Variants in DLG2 observed in about 807,000 individuals in gnomAD.
The protein encoded by DLG2 is disks large homolog 2.
In DLG2, 45 loss-of-function variants were observed where a neutral mutation model predicts 132.5. The ratio of observed to expected loss-of-function variants is 0.34; its 90% confidence interval spans 0.27 to 0.44. The LOEUF (loss-of-function observed/expected upper bound fraction) is 0.44, where lower values mean the gene tolerates loss of function less well. Ranked by LOEUF, DLG2 falls within the 20% of genes least tolerant of loss-of-function variation. The pLI is 1.00. For synonymous variants in DLG2, 424 were observed against 419.6 expected (o/e 1.01, Z -0.13); for missense variants, 1,045 against 1,196.9 (o/e 0.87, Z 1.87).
intron 7 of DLG2, among the ~76,000 whole-genome samples, chr11:84,327,198 C>T (rs2098437001): frequency 6.8e-6 from 1 of 146,130 alleles, no homozygotes; most frequent in African/African-American, 2.5e-5. Flanking sequence ...CTCACTTCAA[C>T]CTCTGCCTCC....
At chr11:84,520,333 C>G (rs1405282848) in intron 7 of DLG2, among the ~76,000 whole-genome samples, 2 of 152,100 alleles carry the variant, frequency 1.3e-5, no homozygotes, top group Non-Finnish European at 2.9e-5. Context: ...CTTTGATGTT[C>G]CCATTTGACA....
chr11:85,481,224 T>C (rs1231875424), intron 3 of DLG2, among the ~76,000 whole-genome samples: 2 of 152,224 alleles, frequency 1.3e-5, no homozygotes, highest in African/African-American at 4.8e-5. Flanking sequence ...ATGGCACCTG[T>C]ACGGGTAGAA....
chr11:83,960,066 C>T (rs1189888145), intron 14 of DLG2, among the ~76,000 whole-genome samples: 1 of 151,890 alleles, frequency 6.6e-6, no homozygotes, highest in African/African-American at 2.4e-5. Context: ...AGTTCTAATT[C>T]TTGCTTTCAT....
At chr11:84,713,975 T>G (rs1159142798) in intron 6 of DLG2, among the ~76,000 whole-genome samples, 1 of 152,046 alleles carries the variant, frequency 6.6e-6, no homozygotes, top group Admixed American at 6.6e-5. Context: ...AAATGCAGAC[T>G]CAACATGATT....
intron 6 of DLG2, among the ~76,000 whole-genome samples, chr11:84,682,236 C>T (rs1301712169): frequency 6.6e-6 from 1 of 152,172 alleles, no homozygotes; most frequent in Non-Finnish European, 1.5e-5. Flanking sequence ...AATTATAGCA[C>T]AGTCCCAACA....
At position 84,956,580 on chromosome 11, in the gene DLG2, T is replaced by C. The variant is rs114381969; in HGVS notation, c.357+155081A>G. On this transcript the variant is annotated intron_variant, in intron 6 of 27. Coordinates refer to ENST00000376104, the MANE Select transcript of DLG2 (RefSeq NM_001142699.3). ...GTCTTCAACTTCCTAGGATATAATT[T>C]GGCTTTTCTGCCTGTGTTTTTAGTT... Among the ~76,000 whole-genome samples, 812 of 152,334 alleles carry C rather than the reference T, an allele frequency of 5.3e-3. 7 individuals are homozygous for C. Among genetic ancestry groups the C allele is most frequent in the African/African-American group, 0.018 (762 of 41,576 alleles).
intron 7 of DLG2, among the ~76,000 whole-genome samples, chr11:84,412,403 A>C (rs958382224): frequency 6.6e-6 from 1 of 152,068 alleles, no homozygotes; most frequent in African/African-American, 2.4e-5. Context: ...TGACATATAG[A>C]TGGAAATGCC....
intron 8 of DLG2, among the ~76,000 whole-genome samples, chr11:84,242,820 A>T (rs2097250095): frequency 6.6e-6 from 1 of 152,166 alleles, no homozygotes; most frequent in African/African-American, 2.4e-5. Context: ...AAGAGTCTTC[A>T]AAGTTAAGCT....
At chr11:84,739,915 T>G (rs1259002919) in intron 6 of DLG2, among the ~76,000 whole-genome samples, 1 of 152,102 alleles carries the variant, frequency 6.6e-6, no homozygotes, top group Non-Finnish European at 1.5e-5. Context: ...GGGGTCATTT[T>G]ACAGGATCTG....
At chr11:84,135,053 A>G (rs1349001131) in intron 9 of DLG2, among the ~76,000 whole-genome samples, 1 of 152,104 alleles carries the variant, frequency 6.6e-6, no homozygotes, top group Admixed American at 6.6e-5. Flanking sequence ...TATATTACTT[A>G]TCTATTAGGT....
intron 7 of DLG2, among the ~76,000 whole-genome samples, chr11:84,331,009 G>T (rs2098455943): frequency 6.6e-6 from 1 of 152,194 alleles, no homozygotes; most frequent in African/African-American, 2.4e-5. Context: ...ACGATTTTGA[G>T]AGGTCTGATG....
chr11:84,266,844 T>A (rs556362739), intron 7 of DLG2, among the ~76,000 whole-genome samples: 3 of 152,342 alleles, frequency 2.0e-5, no homozygotes, highest in Admixed American at 2.0e-4. Context: ...AAATTCTCCC[T>A]TCTTAAGTAT....
intron 4 of DLG2, among the ~76,000 whole-genome samples, chr11:85,246,170 T>A (rs1377246284): frequency 1.3e-5 from 2 of 152,006 alleles, no homozygotes; most frequent in Non-Finnish European, 2.9e-5. Context: ...TTGCTCATGG[T>A]TGTATTTCAA....
chr11:85,226,004 G>A (rs1375936969), intron 4 of DLG2, among the ~76,000 whole-genome samples: 1 of 151,944 alleles, frequency 6.6e-6, no homozygotes, highest in Non-Finnish European at 1.5e-5. Context: ...AGAAACCTCT[G>A]AATTATCTCT....
At chr11:83,921,100 A>G (rs567477268) in intron 15 of DLG2, among the ~76,000 whole-genome samples, 1 of 152,248 alleles carries the variant, frequency 6.6e-6, no homozygotes, top group South Asian at 2.1e-4. Context: ...CTGTTTCATC[A>G]CCTGCAAAAT....
chr11:84,320,462 A>G (rs1358484217), intron 7 of DLG2, among the ~76,000 whole-genome samples: 1 of 152,188 alleles, frequency 6.6e-6, no homozygotes, highest in East Asian at 1.9e-4. Flanking sequence ...TAATACGCCA[A>G]ATAATCATAA....
At chr11:84,133,477 G>C (rs1436590495) in intron 9 of DLG2, among the ~76,000 whole-genome samples, 2 of 151,984 alleles carry the variant, frequency 1.3e-5, no homozygotes, top group African/African-American at 4.8e-5. Flanking sequence ...AAAGCATTCT[G>C]TTTTAGGTTA....
At chr11:84,463,030 C>A (rs894245865) in intron 7 of DLG2, among the ~76,000 whole-genome samples, 5 of 151,104 alleles carry the variant, frequency 3.3e-5, no homozygotes, top group Non-Finnish European at 7.4e-5. Context: ...ACAAGGCAGT[C>A]TTCAAAGAGA....
intron 7 of DLG2, among the ~76,000 whole-genome samples, chr11:84,338,726 A>G (rs2098500149): frequency 6.6e-6 from 1 of 152,162 alleles, no homozygotes; most frequent in Admixed American, 6.5e-5. Flanking sequence ...GAATCGCTTG[A>G]GTCCAGGAGG....
Sources: gnomAD v4.1 joint callset for allele counts (sites outside exome capture counted in the v4.1 genomes callset) on GRCh38, gnomAD v4.1.1 for gene constraint, MANE v1.5 for transcripts, NCBI Gene and HGNC (gene_info 2026-07-23, HGNC 2026-07-21) for gene names.